Variants in NCS1 observed in about 807,000 individuals in gnomAD.
NCS1 encodes neuronal calcium sensor 1.
A neutral mutation model predicts 28.4 loss-of-function variants in NCS1; 6 were observed. That is an observed-to-expected ratio of 0.21 (90% CI 0.12 to 0.42). The LOEUF is 0.42. Ranked by LOEUF, NCS1 falls within the 10% of genes least tolerant of loss-of-function variation. NCS1 has a pLI of 1.00. For missense variants in NCS1, 131 were observed against 241.4 expected (o/e 0.54, Z 3.03); for synonymous variants, 86 against 99.3 (o/e 0.87, Z 0.79).
chr9:130,201,839 C>G (rs11793619), intron 2 of NCS1, among the ~76,000 whole-genome samples: 13,502 of 152,230 alleles, frequency 0.089, 808 homozygotes, highest in Middle Eastern at 0.18. Context: ...GAGTTTCCGC[C>G]CTCACTTTCC....
At chr9:130,193,899 C>T (rs1201560654) in intron 1 of NCS1, 1 of 152,416 alleles carries the variant, frequency 6.6e-6, no homozygotes, top group Non-Finnish European at 1.5e-5. Flanking sequence ...GCCCAAAGGC[C>T]CCGCCTTCTA....
chr9:130,179,022 C>T (rs1832619704), intron 1 of NCS1, among the ~76,000 whole-genome samples: 1 of 149,238 alleles, frequency 6.7e-6, no homozygotes, highest in Non-Finnish European at 1.5e-5. Flanking sequence ...GCAATCTCCA[C>T]CTCCCGGGTT....
chr9:130,172,862 TG>T, intron 1 of NCS1, 135 bp downstream of exon 1: 2 of 360,616 alleles, frequency 5.5e-6, no homozygotes, highest in Non-Finnish European at 9.1e-6. Context: ...CGGCCTCCAA[TG>T]TGGACCCCTC....
intron 1 of NCS1, among the ~76,000 whole-genome samples, chr9:130,187,285 C>T (rs1832750425): frequency 6.6e-6 from 1 of 152,146 alleles, no homozygotes; most frequent in African/African-American, 2.4e-5. Context: ...CTCTCTGTGC[C>T]CCGTCGCTGC....
At chr9:130,185,182 G>A (rs926859308) in intron 1 of NCS1, among the ~76,000 whole-genome samples, 32 of 152,218 alleles carry the variant, frequency 2.1e-4, no homozygotes, top group African/African-American at 6.3e-4. Flanking sequence ...TGGTGGTGAC[G>A]ACATGTTTCA....
intron 7 of NCS1, among the ~76,000 whole-genome samples, chr9:130,230,396 C>T (rs1321171275): frequency 6.6e-6 from 1 of 152,028 alleles, no homozygotes; most frequent in Non-Finnish European, 1.5e-5. Flanking sequence ...CATTCATACA[C>T]AGTGGCAGAG....
At chr9:130,229,328 C>G (rs1227089295) in intron 7 of NCS1, among the ~76,000 whole-genome samples, 1 of 150,338 alleles carries the variant, frequency 6.7e-6, no homozygotes. Context: ...GATCTTAGCT[C>G]ACTGCAACCT....
At chr9:130,222,113 C>CGTATATATATATATGT (rs1833335575) in intron 4 of NCS1, among the ~76,000 whole-genome samples, 1 of 17,098 alleles carries the variant, frequency 5.8e-5, no homozygotes, top group Non-Finnish European at 1.3e-4. Flanking sequence ...TATATATATA[C>CGTATATATATATATGT]GTATATATAT....
At chr9:130,203,075 T>C (rs1832976998) in intron 2 of NCS1, among the ~76,000 whole-genome samples, 2 of 151,120 alleles carry the variant, frequency 1.3e-5, no homozygotes, top group Admixed American at 1.3e-4. Context: ...TGTGTGTGTG[T>C]GTGTGTATAC....
chr9:130,228,637 A>T (rs185634757), intron 7 of NCS1, among the ~76,000 whole-genome samples: 5 of 150,716 alleles, frequency 3.3e-5, no homozygotes, highest in Admixed American at 2.0e-4. Flanking sequence ...CATTTTGTTT[A>T]GGAGGTCTAC....
rs1833246623 is a variant in NCS1, at chr9:130,219,646, C to T, written c.229-79C>T. 1 of 1,357,630 alleles carries T rather than the reference C, an allele frequency of 7.4e-7. No individual in the cohort carries two copies. Among genetic ancestry groups the T allele is most frequent in the African/African-American group, 1.4e-5 (1 of 70,044 alleles). The allele number at this position is 1,357,630 out of a possible 1,614,324, so 84.1% of individuals were successfully genotyped here. On this transcript the variant is annotated intron_variant, in intron 3 of 7. Transcript: ENST00000372398. The surrounding 1 kb of genome is among the most constrained non-coding windows in gnomAD (Gnocchi z 5.7). ...ACAGTGTCTGGAGCCTGCGACTGCC[C>T]CTCGCCCGTCCCGAGGTTCAGCCTG...
At position 130,195,258 on chromosome 9, in the gene NCS1, A is replaced by T. The variant is rs371331303; in HGVS notation, c.65-5700A>T. Among the ~76,000 whole-genome samples the T allele has an allele frequency of 2.6e-5, 4 of 152,218 alleles. No individual in the cohort carries two copies. The East Asian group carries it at 7.7e-4, about 29-fold the overall frequency. ...CTGGGCTGGCCAAGGCCCTCTCTGG[A>T]CCGCTGTACTTCACCACTGCTCCCC... On this transcript the variant is annotated intron_variant, in intron 1 of 7. Transcript: ENST00000372398.
Position 130,192,546 on chromosome 9 carries a change from G to A in NCS1, c.65-8412G>A, listed in dbSNP as rs1281179904. ...GAGCTGGGGGGCCTGGAGGTCTCAG[G>A]AGTTGACCTCTTTCGTGGGACAGAG... On this transcript the variant is annotated intron_variant, in intron 1 of 7. Transcript: ENST00000372398. This position sits in a 1 kb window ranked among gnomAD's most constrained non-coding sequence, Gnocchi z 4.8. Among the ~76,000 whole-genome samples the A allele has an allele frequency of 6.6e-6, 1 of 152,124 alleles. No homozygotes were observed. The highest frequency in any genetic ancestry group is 6.5e-5 in the Admixed American group (1 of 15,274).
rs1554912900 is a variant in NCS1 at position 130,235,575 on chromosome 9, GC to G, written c.*2604del. On this transcript the variant is annotated 3_prime_UTR_variant, in exon 8 of 8. Transcript: ENST00000372398. The stretch of plus-strand genomic sequence containing the variant: ...GGCTTCTGGCCTTAGCAGATGGTAT[GC>G]TTGCGGACCGCAGCCCAGCATGCCG... 6.6e-6 allele frequency: 1 copy of G among 152,364 alleles called. No individual in the cohort carries two copies. Among genetic ancestry groups the G allele is most frequent in the East Asian group, 1.9e-4 (1 of 5,188 alleles). 9.4% of individuals were successfully genotyped at this position (152,364 alleles called of 1,614,324 possible).
In NCS1 at chr9:130,172,629, C is replaced by T. The variant is rs1554904169; in HGVS notation, c.-35C>T. 1.5e-6 allele frequency: 2 copies of T among 1,376,774 alleles called. No homozygotes were observed. Among genetic ancestry groups the T allele is most frequent in the Non-Finnish European group, 1.9e-6 (2 of 1,041,396 alleles). The allele number at this position is 1,376,774 out of a possible 1,614,324, so 85.3% of individuals were successfully genotyped here. On this transcript the variant is annotated 5_prime_UTR_variant, in exon 1 of 8. Transcript: ENST00000372398. ...CTCCTGCTGGGCGCCCCAACCGGGT[C>T]CGGCCCGGGGGGGCGGGGGCCGCGG...
chr9:130,230,936 A>G (rs1162667296), intron 7 of NCS1, among the ~76,000 whole-genome samples: 4 of 152,184 alleles, frequency 2.6e-5, no homozygotes, highest in Admixed American at 6.6e-5. Context: ...ATTCCTTAAT[A>G]TCCTCTGATC....
intron 2 of NCS1, among the ~76,000 whole-genome samples, chr9:130,214,014 G>A (rs1457616378): frequency 6.6e-6 from 1 of 152,244 alleles, no homozygotes; most frequent in Non-Finnish European, 1.5e-5. Flanking sequence ...GCCCCTGCCT[G>A]GCAATTTGTG....
intron 2 of NCS1, among the ~76,000 whole-genome samples, chr9:130,214,059 C>T (rs1268517049): frequency 3.3e-5 from 5 of 152,214 alleles, no homozygotes. Context: ...CAAACATGCC[C>T]CAGGACCATG....
At chr9:130,189,110 G>C (rs1169565784) in intron 1 of NCS1, among the ~76,000 whole-genome samples, 2 of 152,212 alleles carry the variant, frequency 1.3e-5, no homozygotes, top group African/African-American at 4.8e-5. Context: ...TCAGAGGACA[G>C]GAACCTGTGT....
Sources: gnomAD v4.1 joint callset for allele counts (sites outside exome capture counted in the v4.1 genomes callset) on GRCh38, gnomAD v4.1.1 for gene constraint, Gnocchi (gnomAD v3.1) non-coding constraint, MANE v1.5 for transcripts, NCBI Gene and HGNC (gene_info 2026-07-23, HGNC 2026-07-21) for gene names.